The following CD40 variants were observed in gnomAD, a reference collection of about 807,000 sequenced individuals.
The protein encoded by CD40 is CD40 molecule, also known as tumor necrosis factor receptor superfamily member 5.
CD40 carries 19 observed loss-of-function variants against 38.5 expected under a neutral mutation model. The ratio of observed to expected loss-of-function variants is 0.49; its 90% CI spans 0.34 to 0.72. The LOEUF is 0.72. CD40 is among the 30% of genes least tolerant of loss of function. CD40 has a pLI of 0.01. For synonymous variants in CD40, 130 were observed against 128.7 expected (o/e 1.01, Z -0.07); for missense variants, 256 against 344.1 (o/e 0.74, Z 2.03).
At chr20:46,123,273 T>C in intron 5 of CD40, 54 bp downstream of exon 5, 1 of 1,270,310 alleles carries the variant, frequency 7.9e-7, no homozygotes, top group Non-Finnish European at 1.2e-6. Context: ...TGGAGCTGCC[T>C]CCATTCTCTC....
chr20:46,125,326 A>C (rs2085412004), intron 5 of CD40, among the ~76,000 whole-genome samples: 1 of 151,594 alleles, frequency 6.6e-6, no homozygotes, highest in African/African-American at 2.4e-5. Context: ...AGGGCAGATC[A>C]TGAGGTCAAG....
At chr20:46,119,244 A>G (rs902912552) in intron 1 of CD40, among the ~76,000 whole-genome samples, 1 of 152,202 alleles carries the variant, frequency 6.6e-6, no homozygotes, top group African/African-American at 2.4e-5. Context: ...GGAATCCCCC[A>G]AGTACCTGGC....
Position 46,123,210 on chromosome 20 carries a change from C to A in CD40, c.488C>A (p.Pro163His). The change falls in exon 5 of 9, where the codon CCT becomes CAT. Residue 163 changes from proline to histidine, a missense_variant. By Grantham distance (77) the Pro-to-His change is moderately conservative. Transcript: ENST00000372285. ...NVSSAFEKCH[P>H]WTSCETKDLV... ...TCATCTGCTTTCGAAAAATGTCACCCTTGGACAAGGTATAAGCACTCATCC... is the reference window on the plus strand; with the variant it reads ...TCATCTGCTTTCGAAAAATGTCACCATTGGACAAGGTATAAGCACTCATCC... The A allele has an allele frequency of 6.2e-7, 1 of 1,613,484 alleles. No homozygotes were observed. Among genetic ancestry groups the A allele is most frequent in the Non-Finnish European group, 8.5e-7 (1 of 1,179,346 alleles).
intron 8 of CD40, 100 bp from the exon 9 acceptor site, chr20:46,128,782 G>T (rs377159383): frequency 8.2e-5 from 106 of 1,297,532 alleles, no homozygotes; most frequent in East Asian, 8.1e-4. Context: ...TCTGGGAAAG[G>T]GGGGAGGGCT....
Position 46,128,897 on chromosome 20 carries a change from C to A in CD40, c.691C>A (p.Gln231Lys), listed in dbSNP as rs1334195345. ...KPTNKAPHPKQEPQEINFPDD... is the reference protein window; with the variant it reads ...KPTNKAPHPKKEPQEINFPDD... Reference sequence around the variant, plus strand: ...GCCTCTCCAGGCCCCCCACCCCAAGCAGGAACCCCAGGAGATCAATTTTCC... The same window carrying A: ...GCCTCTCCAGGCCCCCCACCCCAAGAAGGAACCCCAGGAGATCAATTTTCC... Residue 231 changes from glutamine to lysine, a missense_variant, in exon 9 of 9, where the codon CAG becomes AAG. By Grantham distance (53) the Gln-to-Lys change is moderately conservative. Coordinates refer to ENST00000372285, the MANE Select transcript of CD40 (RefSeq NM_001250.6). The A allele has an allele frequency of 6.2e-7, 1 of 1,614,130 alleles. No homozygotes were observed. Among genetic ancestry groups the A allele is most frequent in the Non-Finnish European group, 8.5e-7 (1 of 1,179,986 alleles).
chr20:46,127,031 G>A (rs969860733), intron 6 of CD40: 5 of 403,544 alleles, frequency 1.2e-5, no homozygotes, highest in African/African-American at 6.2e-5. Flanking sequence ...TTTACCTAAC[G>A]CTAAATGACC....
chr20:46,128,974 T>C lies in CD40; in HGVS notation c.768T>C (p.His256=), dbSNP rs1275729959. 1.9e-6 allele frequency: 3 copies of C among 1,614,070 alleles called. No individual in the cohort carries two copies. In the African/African-American group the frequency reaches 4.0e-5, roughly 22 times the overall value. The change falls in exon 9 of 9, where the codon CAT becomes CAC. Residue 256 remains histidine (H), a synonymous_variant. Coordinates refer to ENST00000372285, the MANE Select transcript of CD40 (RefSeq NM_001250.6). ...NTAAPVQETL[H]GCQPVTQEDG... is the part of the protein sequence containing the mutation. ...CTGCTCCAGTGCAGGAGACTTTACA[T>C]GGATGCCAACCGGTCACCCAGGAGG...
chr20:46,122,908 G>C lies in CD40; in HGVS notation c.403+152G>C. On this transcript the variant is annotated intron_variant, in intron 4 of 8. Transcript: ENST00000372285. The surrounding 1 kb of genome is among the most constrained non-coding windows in gnomAD (Gnocchi z 5.0). ...ATCCCCACTGGAGTGAGCTGCAGAC[G>C]GGACCTTGTTCATTCTGCCTTCTGC... 2 of 1,043,224 alleles carry C rather than the reference G, an allele frequency of 1.9e-6. No individual in the cohort carries two copies. The highest frequency in any genetic ancestry group is 1.5e-5 in the South Asian group (1 of 66,848). The allele number at this position is 1,043,224 out of a possible 1,614,324, so 64.6% of individuals were successfully genotyped here.
chr20:46,124,751 GTTTTTTTTTTTTTTTTTTTT>G (rs780015926), intron 5 of CD40, among the ~76,000 whole-genome samples: 4 of 73,936 alleles, frequency 5.4e-5, no homozygotes, highest in Non-Finnish European at 2.4e-5. Flanking sequence ...CACTGGTATA[GTTTTTTTTTTTTTTTTTTTT>G]TTTTTTTTTT....
intron 1 of CD40, among the ~76,000 whole-genome samples, chr20:46,121,283 A>T (rs969561596): frequency 1.3e-5 from 2 of 152,120 alleles, no homozygotes; most frequent in Non-Finnish European, 2.9e-5. Flanking sequence ...GTGTGAGTTT[A>T]CCCTTCCAGC....
chr20:46,128,417 G>T (rs527246432), intron 8 of CD40, 59 bp downstream of exon 8: 5 of 1,570,136 alleles, frequency 3.2e-6, no homozygotes, highest in Non-Finnish European at 3.5e-6. Flanking sequence ...ATGGCCTCAC[G>T]GTTGCCTATG....
chr20:46,118,796 A>G (rs1257385134), intron 1 of CD40, among the ~76,000 whole-genome samples: 1 of 152,096 alleles, frequency 6.6e-6, no homozygotes, highest in Non-Finnish European at 1.5e-5. Flanking sequence ...CAGCCTCTGT[A>G]AGTAGTTATC....
rs759483970 is a variant in CD40, at chr20:46,121,833, C to T, written c.65C>T (p.Pro22Leu). The T allele has an allele frequency of 1.9e-6, 3 of 1,613,660 alleles. No homozygotes were observed. The highest frequency in any genetic ancestry group is 2.5e-6 in the Non-Finnish European group (3 of 1,179,666). Residue 22 changes from proline (P) to leucine (L), a missense_variant, in exon 2 of 9, where the codon CCA becomes CTA. By Grantham distance (98) the Pro-to-Leu change is moderately conservative. Transcript: ENST00000372285. ...TTCTGTTTTTAGGTCCATCCAGAAC[C>T]ACCCACTGCATGCAGAGAAAAACAG... ...GCLLTAVHPEPPTACREKQYL... is the reference protein window; with the variant it reads ...GCLLTAVHPELPTACREKQYL...
At chr20:46,121,937 C>A in intron 2 of CD40, 39 bp downstream of exon 2, 1 of 1,545,276 alleles carries the variant, frequency 6.5e-7, no homozygotes, top group Non-Finnish European at 9.0e-7. Flanking sequence ...TGGAGTCCCC[C>A]TTTGCTTTGG....
At chr20:46,127,116 C>G (rs2085452943) in intron 6 of CD40, 1 of 203,722 alleles carries the variant, frequency 4.9e-6, no homozygotes, top group Non-Finnish European at 1.0e-5. Flanking sequence ...CACATGTACC[C>G]TAAAGCTTAA....
intron 1 of CD40, 103 bp downstream of exon 1, chr20:46,118,497 G>T: frequency 3.2e-6 from 3 of 932,592 alleles, no homozygotes; most frequent in Admixed American, 1.8e-5. Context: ...GATTTTTGTG[G>T]GGGCAGGAGG....
intron 6 of CD40, among the ~76,000 whole-genome samples, chr20:46,127,591 A>G (rs1368515700): frequency 2.6e-5 from 4 of 152,124 alleles, no homozygotes; most frequent in Non-Finnish European, 4.4e-5. Context: ...TCCTGAAACA[A>G]TTTCATCCCT....
At chr20:46,121,780 G>T (rs1322019725) in intron 1 of CD40, 40 bp from the exon 2 acceptor site, 22 of 1,482,318 alleles carry the variant, frequency 1.5e-5, no homozygotes, top group Non-Finnish European at 2.1e-5. Flanking sequence ...TTGCAACGGA[G>T]ATTTCAAGAT....
chr20:46,129,223 C>T lies in CD40; in HGVS notation c.*183C>T. On this transcript the variant is annotated 3_prime_UTR_variant, in exon 9 of 9. Transcript: ENST00000372285. ...TGGCACTGGATGCAGAAACAGTTCA[C>T]CTTGAAGAACCTCTCACTTCACCCT... 1 of 660,212 alleles carries T rather than the reference C, an allele frequency of 1.5e-6. No homozygotes were observed. The highest frequency in any genetic ancestry group is 2.7e-6 in the Non-Finnish European group (1 of 366,892). 40.9% of individuals were successfully genotyped at this position (660,212 alleles called of 1,614,324 possible).
Sources: gnomAD v4.1 joint callset for allele counts (sites outside exome capture counted in the v4.1 genomes callset) on GRCh38, gnomAD v4.1.1 for gene constraint, Gnocchi (gnomAD v3.1) non-coding constraint, MANE v1.5 for transcripts, NCBI Gene and HGNC (gene_info 2026-07-23, HGNC 2026-07-21) for gene names.